POLE2: variants seen among roughly 807,000 people sequenced by gnomAD.
POLE2 encodes DNA polymerase epsilon subunit 2.
A neutral mutation model predicts 79.4 loss-of-function variants in POLE2; 56 were observed. The observed-to-expected ratio is 0.71, with a 90% CI of 0.57 to 0.88. The LOEUF (loss-of-function observed/expected upper bound fraction) is 0.88, where lower values mean the gene tolerates loss of function less well. Ranked by LOEUF, POLE2 falls within the 40% of genes least tolerant of loss-of-function variation. POLE2 has a pLI of 0.00. For missense variants in POLE2, 598 were observed against 638.9 expected (o/e 0.94, Z 0.69); for synonymous variants, 212 against 214.0 (o/e 0.99, Z 0.08).
rs191680610 is a variant in POLE2 at position 49,684,697 on chromosome 14, C to A, written c.69-1004G>T. 294 of 143,868 alleles carry A rather than the reference C, an allele frequency of 2.0e-3. 1 individual carries two copies. The highest frequency in any genetic ancestry group is 3.2e-3 in the Admixed American group (46 of 14,348). The allele number at this position is 143,868 out of a possible 1,614,324, so 8.9% of individuals were successfully genotyped here. On this transcript the variant is annotated intron_variant, in intron 1 of 18. Coordinates refer to ENST00000216367, the MANE Select transcript of POLE2 (RefSeq NM_002692.4). ...AAAAAAAAAAAAAATCATGGCTGGGCACGCGGTGGCTCACGCCTGTAATCC... is the reference window on the plus strand; with the variant it reads ...AAAAAAAAAAAAAATCATGGCTGGGAACGCGGTGGCTCACGCCTGTAATCC...
chr14:49,680,522 A>G (rs923312557), intron 2 of POLE2, among the ~76,000 whole-genome samples: 2 of 152,224 alleles, frequency 1.3e-5, no homozygotes, highest in Non-Finnish European at 2.9e-5. Context: ...ATTTACAAGT[A>G]TTATTCCACT....
At chr14:49,683,259 T>C (rs1886863339) in intron 2 of POLE2, among the ~76,000 whole-genome samples, 1 of 151,952 alleles carries the variant, frequency 6.6e-6, no homozygotes, top group African/African-American at 2.4e-5. Flanking sequence ...AAAATTAGCC[T>C]GACATGGAGG....
At position 49,654,775 on chromosome 14, in the gene POLE2, G is replaced by A. The variant is rs2139622424; in HGVS notation, c.1073+9C>T. ...CGGTGAAAAAATATATAGTGCTAGA[G>A]ATCATTACCTTTGGTGAATATCTGG... On this transcript the variant is annotated intron_variant, in intron 13 of 18. Transcript: ENST00000216367. The A allele has an allele frequency of 1.3e-6, 2 of 1,484,862 alleles. No individual in the cohort carries two copies. The highest frequency in any genetic ancestry group is 2.6e-5 in the East Asian group (1 of 37,988). The allele number at this position is 1,484,862 out of a possible 1,614,324, so 92.0% of individuals were successfully genotyped here. A position where few individuals can be genotyped will look rare whatever the true frequency, so the allele number is the denominator to read the frequency against.
In POLE2 at chr14:49,654,005, G is replaced by GT. The variant is rs755420538; in HGVS notation, c.1195dup (p.Thr399AsnfsTer3). 6.3e-7 allele frequency: 1 copy of GT among 1,576,916 alleles called. No individual in the cohort carries two copies. The highest frequency in any genetic ancestry group is 1.1e-5 in the South Asian group (1 of 89,928). ...TAATTCTTACCTGCAAGGATTAGTA[G>GT]TAAAAACTGAAAATGGTACCCTTTG... On this transcript the variant is annotated frameshift_variant, in exon 15 of 19. Transcript: ENST00000216367. LOFTEE classifies it high-confidence loss of function.
At chr14:49,663,677 G>GT (rs1018237078) in intron 9 of POLE2, among the ~76,000 whole-genome samples, 1 of 152,064 alleles carries the variant, frequency 6.6e-6, no homozygotes, top group Non-Finnish European at 1.5e-5. Flanking sequence ...AAAATTAAGT[G>GT]TTTTTTTCAA....
At chr14:49,649,208 G>A (rs1269189936) in intron 17 of POLE2, among the ~76,000 whole-genome samples, 7 of 137,224 alleles carry the variant, frequency 5.1e-5, no homozygotes, top group Admixed American at 2.5e-4. Context: ...GTGCAGTGGC[G>A]CGATCTTGGC....
At chr14:49,646,953 G>C (rs1036245563) in intron 18 of POLE2, 21 of 176,468 alleles carry the variant, frequency 1.2e-4, no homozygotes, top group African/African-American at 5.0e-4. Context: ...CAATTTAAGG[G>C]AAAGTACCTA....
At chr14:49,660,259 A>G (rs1885006415) in intron 10 of POLE2, among the ~76,000 whole-genome samples, 1 of 152,198 alleles carries the variant, frequency 6.6e-6, no homozygotes, top group African/African-American at 2.4e-5. Flanking sequence ...ACAGTGGGCT[A>G]TATCATCTAG....
intron 14 of POLE2, 30 bp downstream of exon 14, chr14:49,654,123 TAC>T (rs1884476544): frequency 1.3e-6 from 2 of 1,596,970 alleles, no homozygotes; most frequent in East Asian, 4.5e-5. Flanking sequence ...CAAAATTTTC[TAC>T]ACTGTTGCAA....
rs1162033821 is a variant in POLE2, at chr14:49,646,302, G to GTTTTTTTTTT, written c.1565+981_1565+990dup. On this transcript the variant is annotated intron_variant, in intron 18 of 18. Transcript: ENST00000216367. ...GATTTGGTCAGTTGTTTTTTTGTTG[G>GTTTTTTTTTT]TTTTTTTTTTTTTTTTTTTTTTTTT... Among the ~76,000 whole-genome samples, 49 of 84,556 alleles carry GTTTTTTTTTT rather than the reference G, an allele frequency of 5.8e-4. 3 individuals carry two copies. Among genetic ancestry groups the GTTTTTTTTTT allele is most frequent in the Middle Eastern group, 8.5e-3 (1 of 118 alleles). The allele number at this position is 84,556 out of a possible 152,430, so 55.5% of individuals were successfully genotyped here. A position where few individuals can be genotyped will look rare whatever the true frequency, so the allele number is the denominator to read the frequency against.
intron 1 of POLE2, among the ~76,000 whole-genome samples, 161 bp downstream of exon 1, chr14:49,687,975 A>G (rs1399636913): frequency 6.6e-6 from 1 of 151,950 alleles, no homozygotes; most frequent in Non-Finnish European, 1.5e-5. Context: ...TGGGATTACA[A>G]GCGTGAGCCA....
chr14:49,665,305 C>T (rs1885401728), intron 7 of POLE2, 142 bp from the exon 8 acceptor site: 1 of 586,504 alleles, frequency 1.7e-6, no homozygotes, highest in Admixed American at 3.1e-5. Context: ...AGTCCAGGCT[C>T]TTCCATTTAC....
intron 1 of POLE2, among the ~76,000 whole-genome samples, chr14:49,685,675 G>A (rs1457454741): frequency 1.3e-5 from 2 of 151,994 alleles, no homozygotes; most frequent in Non-Finnish European, 2.9e-5. Context: ...CTGAAGTGCA[G>A]TGGCGTAATC....
intron 7 of POLE2, among the ~76,000 whole-genome samples, chr14:49,665,677 GTT>G (rs762726338): frequency 2.3e-4 from 31 of 132,498 alleles, no homozygotes; most frequent in Non-Finnish European, 2.6e-4. Context: ...TTTTTTCTGG[GTT>G]TTTTTTTTTT....
intron 2 of POLE2, 46 bp downstream of exon 2, chr14:49,683,547 C>A: frequency 1.2e-6 from 1 of 851,946 alleles, no homozygotes; most frequent in Non-Finnish European, 2.0e-6. Context: ...ACTGAAGATG[C>A]AGAACTATAT....
chr14:49,680,136 G>A (rs1232564994), intron 2 of POLE2, among the ~76,000 whole-genome samples: 2 of 152,182 alleles, frequency 1.3e-5, no homozygotes. Context: ...GATGGCTCGA[G>A]CCCAGGAGTT....
intron 6 of POLE2, among the ~76,000 whole-genome samples, chr14:49,669,281 G>C (rs982168915): frequency 6.6e-6 from 1 of 152,226 alleles, no homozygotes; most frequent in African/African-American, 2.4e-5. Flanking sequence ...TTGGAGGCCA[G>C]AGTGTATCTG....
chr14:49,685,096 C>G (rs1887032877), intron 1 of POLE2, among the ~76,000 whole-genome samples: 1 of 152,160 alleles, frequency 6.6e-6, no homozygotes, highest in Non-Finnish European at 1.5e-5. Context: ...TTGTAGCACA[C>G]TTTATACCTC....
intron 16 of POLE2, among the ~76,000 whole-genome samples, 199 bp downstream of exon 16, chr14:49,651,070 C>T (rs71420148): frequency 0.28 from 43,259 of 151,998 alleles, 7,313 homozygotes; most frequent in African/African-American, 0.46. Context: ...TCTCTGTCCT[C>T]TAAAGGACAT....
Sources: allele counts gnomAD v4.1 joint callset (sites outside exome capture counted in the v4.1 genomes callset), GRCh38; gene constraint gnomAD v4.1.1; transcripts MANE v1.5; gene names NCBI Gene and HGNC (gene_info 2026-07-23, HGNC 2026-07-21).